DOK6: variants seen among roughly 807,000 people sequenced by gnomAD.
DOK6 encodes the protein downstream of tyrosine kinase 6.
A neutral mutation model predicts 44.0 loss-of-function variants in DOK6; 22 were observed. The observed-to-expected ratio is 0.50, with a 90% CI of 0.36 to 0.71. The LOEUF (loss-of-function observed/expected upper bound fraction) is 0.71. Ranked by LOEUF, DOK6 falls within the 30% of genes least tolerant of loss-of-function variation. The pLI, the probability that DOK6 is intolerant of heterozygous loss-of-function variation, is 0.00. For missense variants in DOK6, 340 were observed against 416.4 expected (o/e 0.82, Z 1.60); for synonymous variants, 166 against 145.5 (o/e 1.14, Z -1.01).
chr18:69,658,030 T>C (rs1439401085), intron 3 of DOK6, among the ~76,000 whole-genome samples: 2 of 152,124 alleles, frequency 1.3e-5, no homozygotes, highest in East Asian at 1.9e-4. Flanking sequence ...TGGCTCACTG[T>C]AGCCTCCATC....
Position 69,845,171 on chromosome 18 carries a change from A to G in DOK6, c.*3788A>G, listed in dbSNP as rs1982319711. The G allele has an allele frequency of 6.6e-6, 1 of 152,226 alleles. No homozygotes were observed. Among genetic ancestry groups the G allele is most frequent in the Non-Finnish European group, 1.5e-5 (1 of 68,040 alleles). 9.4% of individuals were successfully genotyped at this position (152,226 alleles called of 1,614,324 possible). ...AATTGGCCATTAGTGATACAGTGAA[A>G]ACAAGCTAAGGAAATGATATTCTCC... On this transcript the variant is annotated 3_prime_UTR_variant, in exon 8 of 8. Coordinates refer to ENST00000382713, the MANE Select transcript of DOK6 (RefSeq NM_152721.6).
intron 3 of DOK6, among the ~76,000 whole-genome samples, chr18:69,613,801 A>G (rs1984219158): frequency 6.6e-6 from 1 of 151,862 alleles, no homozygotes; most frequent in Non-Finnish European, 1.5e-5. Context: ...AATGTATTCC[A>G]TAATATAATG....
chr18:69,689,042 A>G (rs1327237581), intron 4 of DOK6, among the ~76,000 whole-genome samples: 1 of 152,218 alleles, frequency 6.6e-6, no homozygotes, highest in African/African-American at 2.4e-5. Flanking sequence ...ATTGCTCATC[A>G]AGAAAGTGCC....
At chr18:69,409,423 G>A (rs577675028) in intron 1 of DOK6, among the ~76,000 whole-genome samples, 5 of 152,214 alleles carry the variant, frequency 3.3e-5, no homozygotes, top group African/African-American at 1.2e-4. Flanking sequence ...ATGTTTATGT[G>A]TGTATGTATA....
chr18:69,823,969 C>T (rs1244122216), intron 7 of DOK6, among the ~76,000 whole-genome samples: 1 of 152,110 alleles, frequency 6.6e-6, no homozygotes, highest in African/African-American at 2.4e-5. Flanking sequence ...ACCAACCTGA[C>T]CTGTGTGTGG....
intron 3 of DOK6, among the ~76,000 whole-genome samples, chr18:69,650,111 T>A (rs1301663876): frequency 6.6e-6 from 1 of 152,084 alleles, no homozygotes; most frequent in Non-Finnish European, 1.5e-5. Context: ...GTGCCTACTG[T>A]CTATTGTTCT....
chr18:69,445,184 T>G (rs1197794216), intron 1 of DOK6, among the ~76,000 whole-genome samples: 1 of 152,196 alleles, frequency 6.6e-6, no homozygotes, highest in Non-Finnish European at 1.5e-5. Context: ...TTCTGCCACT[T>G]TGATAAATTT....
At chr18:69,433,868 C>A (rs1354424963) in intron 1 of DOK6, among the ~76,000 whole-genome samples, 3 of 152,112 alleles carry the variant, frequency 2.0e-5, no homozygotes, top group Non-Finnish European at 4.4e-5. Context: ...TTGTCACATA[C>A]ATTCCTATGT....
rs562536802 is a variant in DOK6 at position 69,568,266 on chromosome 18, T to C, written c.174+3672T>C. Among the ~76,000 whole-genome samples, 3 of 152,338 alleles carry C rather than the reference T, an allele frequency of 2.0e-5. No homozygotes were observed. The South Asian group carries it at 6.2e-4, about 32-fold the overall frequency. ...TGGCTCCAAGCCAGGTAATGAGCCT[T>C]CCCGTGTTATGGCTACATAGCTGTG... On this transcript the variant is annotated intron_variant, in intron 2 of 7. Coordinates refer to ENST00000382713, the MANE Select transcript of DOK6 (RefSeq NM_152721.6).
chr18:69,670,240 C>A (rs1482476515), intron 3 of DOK6, among the ~76,000 whole-genome samples: 1 of 152,100 alleles, frequency 6.6e-6, no homozygotes, highest in Non-Finnish European at 1.5e-5. Context: ...AGATTTGGTA[C>A]AGAGAAACAG....
chr18:69,822,623 G>A (rs943122094), intron 7 of DOK6, among the ~76,000 whole-genome samples: 1 of 152,136 alleles, frequency 6.6e-6, no homozygotes. Context: ...TCTTCCTTTG[G>A]CTTCAGAGGA....
chr18:69,450,023 G>A (rs1433299281), intron 1 of DOK6, among the ~76,000 whole-genome samples: 2 of 126,612 alleles, frequency 1.6e-5, no homozygotes, highest in Non-Finnish European at 3.3e-5. Context: ...CCAAAGGAAC[G>A]CAGTTCCTCA....
At chr18:69,496,715 A>C (rs139671536) in intron 1 of DOK6, among the ~76,000 whole-genome samples, 229 of 152,208 alleles carry the variant, frequency 1.5e-3, no homozygotes, top group African/African-American at 5.0e-3. Flanking sequence ...ATATTTTCTC[A>C]TGGTATTCTC....
chr18:69,838,393 A>G (rs1264778013), intron 7 of DOK6, among the ~76,000 whole-genome samples: 4 of 152,164 alleles, frequency 2.6e-5, no homozygotes, highest in African/African-American at 9.7e-5. Flanking sequence ...AAAATCATCA[A>G]AACTTTTAAG....
At position 69,424,418 on chromosome 18, in the gene DOK6, A is replaced by G. The variant is rs560965505; in HGVS notation, c.66+23108A>G. 3.3e-5 allele frequency among the ~76,000 whole-genome samples: 5 copies of G among 152,212 alleles called. No homozygotes were observed. In the South Asian group the frequency reaches 1.0e-3, roughly 32 times the overall value. ...CAATAGATTTTCTTAGTTTTGAATT[A>G]TTTCTTCACGGCTATTGATTAGTTT... On this transcript the variant is annotated intron_variant, in intron 1 of 7. Transcript: ENST00000382713.
chr18:69,601,990 C>T (rs1469936197), intron 3 of DOK6, among the ~76,000 whole-genome samples: 1 of 152,160 alleles, frequency 6.6e-6, no homozygotes, highest in Non-Finnish European at 1.5e-5. Flanking sequence ...TTTATGAGTC[C>T]ATGCTTTAGC....
intron 4 of DOK6, among the ~76,000 whole-genome samples, chr18:69,687,355 A>G (rs1986174700): frequency 6.6e-6 from 1 of 152,200 alleles, no homozygotes; most frequent in African/African-American, 2.4e-5. Flanking sequence ...ATAAAATTCA[A>G]AATTCATTTA....
chr18:69,822,936 T>C (rs1402634622), intron 7 of DOK6, among the ~76,000 whole-genome samples: 2 of 152,234 alleles, frequency 1.3e-5, no homozygotes, highest in African/African-American at 2.4e-5. Flanking sequence ...TTTAGCTTTA[T>C]AGTATTTTTA....
intron 7 of DOK6, among the ~76,000 whole-genome samples, chr18:69,811,578 C>A (rs9955017): frequency 0.05 from 346 of 6,858 alleles, 7 homozygotes; most frequent in South Asian, 0.077. Flanking sequence ...ATATATATAT[C>A]AAAACACTAC....
Sources: allele counts gnomAD v4.1 joint callset (sites outside exome capture counted in the v4.1 genomes callset), GRCh38; gene constraint gnomAD v4.1.1; transcripts MANE v1.5; gene names NCBI Gene and HGNC (gene_info 2026-07-23, HGNC 2026-07-21).